The following DAP variants were observed in gnomAD, a reference collection of about 807,000 sequenced individuals.
DAP encodes the protein death associated protein, also known as death-associated protein 1.
DAP carries 8 observed loss-of-function variants against 13.8 expected under a neutral mutation model. That is an observed-to-expected ratio of 0.58 (90% CI 0.34 to 1.05). The LOEUF is 1.05. Among genes scored for constraint, DAP ranks in the 50% least tolerant of loss-of-function variants. The pLI, the probability that DAP is intolerant of heterozygous loss-of-function variation, is 0.03. For synonymous variants in DAP, 47 were observed against 47.5 expected, an observed-to-expected ratio of 0.99 and a Z score of 0.04; for missense variants, 106 against 133.2, an observed-to-expected ratio of 0.80 and a Z score of 1.01.
intron 1 of DAP, among the ~76,000 whole-genome samples, chr5:10,749,405 C>T (rs914380231): frequency 6.6e-6 from 1 of 152,184 alleles, no homozygotes; most frequent in Non-Finnish European, 1.5e-5. Context: ...AAAGCCTCCA[C>T]ACTATTTCAC....
intron 2 of DAP, among the ~76,000 whole-genome samples, chr5:10,743,897 A>G (rs1313959669): frequency 6.6e-6 from 1 of 152,238 alleles, no homozygotes; most frequent in Non-Finnish European, 1.5e-5. Context: ...CATTTTGGCT[A>G]TATTTTTTTT....
At chr5:10,739,815 A>G (rs1279656630) in intron 2 of DAP, among the ~76,000 whole-genome samples, 1 of 151,682 alleles carries the variant, frequency 6.6e-6, no homozygotes, top group Non-Finnish European at 1.5e-5. Flanking sequence ...ACACACACAC[A>G]CACACGAATG....
chr5:10,722,515 CATATACATATACATGCATATATATACAT>C (rs1393481181), intron 2 of DAP, among the ~76,000 whole-genome samples: 4 of 101,760 alleles, frequency 3.9e-5, no homozygotes, highest in Admixed American at 1.0e-4. Flanking sequence ...CATATGCATA[CATATACATATACATGCATATATATACAT>C]ATATACATAT....
At chr5:10,753,219 C>T (rs1008632392) in intron 1 of DAP, among the ~76,000 whole-genome samples, 5 of 152,234 alleles carry the variant, frequency 3.3e-5, no homozygotes, top group East Asian at 3.8e-4. Flanking sequence ...AGCAGCCCCA[C>T]GGAGTAGATC....
intron 2 of DAP, among the ~76,000 whole-genome samples, chr5:10,702,345 T>C (rs950441819): frequency 6.6e-6 from 1 of 152,160 alleles, no homozygotes; most frequent in Admixed American, 6.5e-5. Flanking sequence ...TGAGTAACTC[T>C]CATGCCCTGC....
intron 2 of DAP, among the ~76,000 whole-genome samples, chr5:10,721,415 A>C (rs949461312): frequency 6.6e-6 from 1 of 152,204 alleles, no homozygotes; most frequent in Admixed American, 6.5e-5. Flanking sequence ...TTGCCTGGAC[A>C]CTTTGGGCTC....
In DAP at chr5:10,712,222, A is replaced by ACCAAC. The variant is rs564343827; in HGVS notation, c.153-28656_153-28652dup. On this transcript the variant is annotated intron_variant, in intron 2 of 3. Transcript: ENST00000230895. ...GCCAATGAGAAAGGCCTCAGAAGGAACCAACCCTGCTGACACCTTGGTCTT... is the reference window on the plus strand; with the variant it reads ...GCCAATGAGAAAGGCCTCAGAAGGAACCAACCCAACCCTGCTGACACCTTGGTCTT... Among the ~76,000 whole-genome samples, 44 of 152,288 alleles carry ACCAAC rather than the reference A, an allele frequency of 2.9e-4. 1 individual carries two copies. In the South Asian group the frequency reaches 9.1e-3, roughly 32 times the overall value.
At chr5:10,718,383 C>A (rs1479258779) in intron 2 of DAP, among the ~76,000 whole-genome samples, 2 of 152,170 alleles carry the variant, frequency 1.3e-5, no homozygotes, top group African/African-American at 4.8e-5. Context: ...TGGCAGAACC[C>A]CAACATTGAC....
chr5:10,722,635 T>TAC (rs962718319), intron 2 of DAP, among the ~76,000 whole-genome samples: 2 of 149,088 alleles, frequency 1.3e-5, no homozygotes, highest in Non-Finnish European at 3.0e-5. Context: ...CACATATATA[T>TAC]ACATATATAT....
In DAP at chr5:10,739,781, A is replaced by AC. The variant is rs1481159030; in HGVS notation, c.152+8393_152+8394insG. Among the ~76,000 whole-genome samples, 439 of 97,604 alleles carry AC rather than the reference A, an allele frequency of 4.5e-3. 1 individual carries two copies. Among genetic ancestry groups the AC allele is most frequent in the African/African-American group, 0.017 (396 of 22,990 alleles). 64.0% of individuals were successfully genotyped at this position (97,604 alleles called of 152,430 possible). A position where few individuals can be genotyped will look rare whatever the true frequency, so the allele number is the denominator to read the frequency against. On this transcript the variant is annotated intron_variant, in intron 2 of 3. Transcript: ENST00000230895. ...GGCCCGGTTCAACTATAAATACTAA[A>AC]TTAACTCACACACACACACACACAC...
chr5:10,710,722 G>A (rs557674912), intron 2 of DAP, among the ~76,000 whole-genome samples: 2 of 152,320 alleles, frequency 1.3e-5, no homozygotes, highest in South Asian at 2.1e-4. Context: ...AAGCAGGCTG[G>A]GAGTGTCCTT....
chr5:10,686,617 T>C (rs1738161602), intron 2 of DAP, among the ~76,000 whole-genome samples: 1 of 152,198 alleles, frequency 6.6e-6, no homozygotes, highest in African/African-American at 2.4e-5. Flanking sequence ...AGAAAGGCCC[T>C]AACTCCCTTC....
intron 2 of DAP, among the ~76,000 whole-genome samples, chr5:10,743,086 T>C (rs1739802294): frequency 6.6e-6 from 1 of 151,564 alleles, no homozygotes; most frequent in Admixed American, 6.6e-5. Context: ...TCTTTGTTTG[T>C]TGAATCCTAG....
chr5:10,728,160 T>C (rs1322354889), intron 2 of DAP, among the ~76,000 whole-genome samples: 2 of 152,248 alleles, frequency 1.3e-5, no homozygotes, highest in South Asian at 2.1e-4. Context: ...TACTTTTTTT[T>C]CCTGGATATC....
intron 3 of DAP, among the ~76,000 whole-genome samples, chr5:10,681,619 G>A (rs1427768793): frequency 6.6e-6 from 1 of 150,538 alleles, no homozygotes; most frequent in African/African-American, 2.5e-5. Context: ...GTCCCTGCAG[G>A]AAGCATGGTG....
chr5:10,697,657 T>C (rs1738468671), intron 2 of DAP, among the ~76,000 whole-genome samples: 1 of 152,148 alleles, frequency 6.6e-6, no homozygotes, highest in African/African-American at 2.4e-5. Context: ...AAAACTATGG[T>C]GGCTCTAAAA....
chr5:10,682,768 G>A (rs538869570), intron 3 of DAP, among the ~76,000 whole-genome samples: 3 of 152,390 alleles, frequency 2.0e-5, no homozygotes, highest in South Asian at 4.1e-4. Flanking sequence ...CCCATGCCGT[G>A]AGACACAGGA....
In DAP at chr5:10,694,227, T is replaced by C. The variant is rs529899873; in HGVS notation, c.153-10656A>G. ...GAGGGACCGTGGCAAATGGACACCATGAGTGTGGGCTAGAGTGTTGGATGA... is the reference window on the plus strand; with the variant it reads ...GAGGGACCGTGGCAAATGGACACCACGAGTGTGGGCTAGAGTGTTGGATGA... On this transcript the variant is annotated intron_variant, in intron 2 of 3. Transcript: ENST00000230895. Among the ~76,000 whole-genome samples the C allele has an allele frequency of 7.9e-4, 121 of 152,234 alleles. 1 individual carries two copies. The highest frequency in any genetic ancestry group is 4.4e-3 in the Admixed American group (67 of 15,296).
rs1355839352 is a variant in DAP, at chr5:10,683,324, G to A, written c.195+205C>T. On this transcript the variant is annotated intron_variant, in intron 3 of 3. Coordinates refer to ENST00000230895, the MANE Select transcript of DAP (RefSeq NM_004394.3). Reference sequence around the variant, plus strand: ...TGGGTCTCACCAGACGGCGGCTCTGGAAAGGTAAAGGATGCGAGTCTGGCC... The same window carrying A: ...TGGGTCTCACCAGACGGCGGCTCTGAAAAGGTAAAGGATGCGAGTCTGGCC... 12 of 658,716 alleles carry A rather than the reference G, an allele frequency of 1.8e-5. No homozygotes were observed. In the Admixed American group the frequency reaches 2.8e-4, roughly 15 times the overall value. The allele number at this position is 658,716 out of a possible 1,614,324, so 40.8% of individuals were successfully genotyped here.
Sources: gnomAD v4.1 joint callset for allele counts (sites outside exome capture counted in the v4.1 genomes callset) on GRCh38, gnomAD v4.1.1 for gene constraint, MANE v1.5 for transcripts, NCBI Gene and HGNC (gene_info 2026-07-23, HGNC 2026-07-21) for gene names.